CNKSR1: variants seen among roughly 807,000 people sequenced by gnomAD.
CNKSR1 encodes CNK homolog protein 1.
CNKSR1 carries 88 observed loss-of-function variants against 95.6 expected under a neutral mutation model. The observed-to-expected ratio is 0.92, with a 90% CI of 0.78 to 1.10. The LOEUF (loss-of-function observed/expected upper bound fraction) is 1.10. Among genes scored for constraint, CNKSR1 ranks in the 50% least tolerant of loss-of-function variants. The probability of loss-of-function intolerance (pLI) is 0.00; values close to 1 mark genes in which losing one functional copy is unlikely to be tolerated. For synonymous variants in CNKSR1, 355 were observed against 369.7 expected, an observed-to-expected ratio of 0.96 and a Z score of 0.46; for missense variants, 836 against 912.0, an observed-to-expected ratio of 0.92 and a Z score of 1.07.
At position 26,182,355 on chromosome 1, in the gene CNKSR1, T is replaced by C; in HGVS notation, c.478-6T>C. The stretch of plus-strand genomic sequence containing the variant: ...GGAGGCCCCTGCTCTCTCATTCTAC[T>C]TCCAGGATGGTCCAGCGGCTGAGAA... On this transcript the variant is annotated splice_region_variant and splice_polypyrimidine_tract_variant and intron_variant, in intron 4 of 20. Coordinates refer to ENST00000361530, the MANE Select transcript of CNKSR1 (RefSeq NM_006314.3). 1 of 1,614,018 alleles carries C rather than the reference T, an allele frequency of 6.2e-7. No individual in the cohort carries two copies. Among genetic ancestry groups the C allele is most frequent in the East Asian group, 2.2e-5 (1 of 44,872 alleles).
intron 1 of CNKSR1, among the ~76,000 whole-genome samples, chr1:26,178,767 A>T (rs1200544950): frequency 6.6e-6 from 1 of 152,244 alleles, no homozygotes; most frequent in Non-Finnish European, 1.5e-5. Context: ...TGAGACAATC[A>T]TGACATAGTT....
At position 26,185,082 on chromosome 1, in the gene CNKSR1, T is replaced by C; in HGVS notation, c.1204T>C (p.Trp402Arg). The change falls in exon 14 of 21, where the codon TGG becomes CGG. Residue 402 changes from tryptophan (W) to arginine (R), a missense_variant. Trp to Arg is a moderately radical substitution (Grantham distance 101). Coordinates refer to ENST00000361530, the MANE Select transcript of CNKSR1 (RefSeq NM_006314.3). ...GCTGGGCCGGCCGGACTGTGACGGC[T>C]GGCTCCTGTTGCGAAAGGCACCGGG... ...RELGRPDCDG[W>R]LLLRKAPGGF... 6.2e-7 allele frequency: 1 copy of C among 1,605,878 alleles called. No individual in the cohort carries two copies. Among genetic ancestry groups the C allele is most frequent in the Non-Finnish European group, 8.5e-7 (1 of 1,178,188 alleles).
At chr1:26,183,166 C>T in intron 6 of CNKSR1, 31 bp from the exon 7 acceptor site, 1 of 1,611,204 alleles carries the variant, frequency 6.2e-7, no homozygotes, top group South Asian at 1.1e-5. Flanking sequence ...TGCCCCCCAG[C>T]CCCCGGTGAC....
At position 26,184,062 on chromosome 1, in the gene CNKSR1, G is replaced by C. The variant is rs2088697493; in HGVS notation, c.856-9G>C. ...TGTCTCCATTGCTTTGTTCCTGGTT[G>C]TTCCCCAGACGCCCCCTCAGGTCCT... On this transcript the variant is annotated splice_polypyrimidine_tract_variant and intron_variant, in intron 9 of 20. Coordinates refer to ENST00000361530, the MANE Select transcript of CNKSR1 (RefSeq NM_006314.3). 1 of 1,605,146 alleles carries C rather than the reference G, an allele frequency of 6.2e-7. No individual in the cohort carries two copies. Among genetic ancestry groups the C allele is most frequent in the South Asian group, 1.1e-5 (1 of 90,672 alleles).
rs1287384816 is a variant in CNKSR1 at position 26,181,655 on chromosome 1, C to T, written c.393-202C>T. 4 of 608,700 alleles carry T rather than the reference C, an allele frequency of 6.6e-6. No homozygotes were observed. The African/African-American group carries it at 7.3e-5, about 11-fold the overall frequency. 37.7% of individuals were successfully genotyped at this position (608,700 alleles called of 1,614,324 possible). On this transcript the variant is annotated intron_variant, in intron 3 of 20. Coordinates refer to ENST00000361530, the MANE Select transcript of CNKSR1 (RefSeq NM_006314.3). ...CTGTCTGTTTCCCCAGTGCCTAGAA[C>T]AGGGCTTGGCATGTGGTAGGCACAT...
rs565213274 is a variant in CNKSR1 at position 26,189,746 on chromosome 1, C to G, written c.*198C>G. On this transcript the variant is annotated 3_prime_UTR_variant, in exon 21 of 21. Coordinates refer to ENST00000361530, the MANE Select transcript of CNKSR1 (RefSeq NM_006314.3). ...CCTTGCCAAAGAAGAAACTCTCCCC[C>G]CAAATCCTCCAACCTCTGGGGCCAC... is the stretch of plus-strand genomic sequence containing the variant. The G allele has an allele frequency of 3.4e-5, 24 of 700,142 alleles. No homozygotes were observed. The highest frequency in any genetic ancestry group is 3.6e-4 in the Middle Eastern group (1 of 2,782). 43.4% of individuals were successfully genotyped at this position (700,142 alleles called of 1,614,324 possible). A position where few individuals can be genotyped will look rare whatever the true frequency, so the allele number is the denominator to read the frequency against.
chr1:26,183,634 G>T, intron 8 of CNKSR1, 95 bp from the exon 9 acceptor site: 1 of 1,085,440 alleles, frequency 9.2e-7, no homozygotes, highest in South Asian at 1.2e-5. Context: ...AGAAGTGGGA[G>T]GCTGAGAGAG....
intron 3 of CNKSR1, chr1:26,181,555 A>G (rs2088648249): frequency 5.8e-6 from 2 of 342,272 alleles, no homozygotes; most frequent in South Asian, 2.9e-5. Context: ...ATAACTTATT[A>G]TAAACTCATT....
rs1557619289 is a variant in CNKSR1 at position 26,180,535 on chromosome 1, C to T, written c.135C>T (p.Ser45=). The T allele has an allele frequency of 1.6e-5, 26 of 1,614,212 alleles. No individual in the cohort carries two copies. Among genetic ancestry groups the T allele is most frequent in the Non-Finnish European group, 2.1e-5 (25 of 1,180,040 alleles). The change falls in exon 2 of 21, where the codon AGC becomes AGT. Residue 45 remains serine (S), a synonymous_variant. Transcript: ENST00000361530. ...GKNLLQLCPQ[S]LEALAVRSLG... is the part of the protein sequence containing the mutation. Reference sequence around the variant, plus strand: ...ACCTGCTCCAGCTCTGCCCCCAAAGCCTCGAGGCTCTGGCTGTGCGGTCTC... The same window carrying T: ...ACCTGCTCCAGCTCTGCCCCCAAAGTCTCGAGGCTCTGGCTGTGCGGTCTC...
At chr1:26,178,177 A>G (rs2088592781) in intron 1 of CNKSR1, among the ~76,000 whole-genome samples, 1 of 152,190 alleles carries the variant, frequency 6.6e-6, no homozygotes, top group Non-Finnish European at 1.5e-5. Flanking sequence ...CGGTGTCATG[A>G]AAACAGGAGG....
At chr1:26,184,173 G>A in intron 10 of CNKSR1, 32 bp downstream of exon 10, 1 of 1,611,978 alleles carries the variant, frequency 6.2e-7, no homozygotes, top group Non-Finnish European at 8.5e-7. Flanking sequence ...TGTCTTGGTG[G>A]GGAGACCGTG....
chr1:26,188,195 G>GT, intron 16 of CNKSR1, 39 bp from the exon 17 acceptor site: 1 of 1,585,138 alleles, frequency 6.3e-7, no homozygotes, highest in East Asian at 2.2e-5. Flanking sequence ...GAGGGCCCCA[G>GT]TGGATGGAAA....
chr1:26,181,740 C>G, intron 3 of CNKSR1, 117 bp from the exon 4 acceptor site: 1 of 986,712 alleles, frequency 1.0e-6, no homozygotes. Context: ...TACTCTAAAC[C>G]AAAACCCATC....
At chr1:26,183,948 G>GC (rs1039925140) in intron 9 of CNKSR1, 118 bp downstream of exon 9, 1 of 532,220 alleles carries the variant, frequency 1.9e-6, no homozygotes, top group East Asian at 3.4e-5. Flanking sequence ...CCCCTGCTGC[G>GC]CCCCCCTAGC....
At chr1:26,188,022 AAG>A (rs2088786071) in intron 16 of CNKSR1, among the ~76,000 whole-genome samples, 1 of 151,914 alleles carries the variant, frequency 6.6e-6, no homozygotes, top group African/African-American at 2.4e-5. Context: ...CAGCTTCCCA[AAG>A]TGCTGGGGTG....
At chr1:26,189,204 G>A (rs1180319782) in intron 20 of CNKSR1, 75 bp from the exon 21 acceptor site, 17 of 1,569,922 alleles carry the variant, frequency 1.1e-5, no homozygotes, top group Admixed American at 8.3e-5. Flanking sequence ...CCGGACCTCC[G>A]GAGTGAAGTC....
intron 1 of CNKSR1, among the ~76,000 whole-genome samples, chr1:26,178,453 G>A (rs926356085): frequency 2.6e-5 from 4 of 152,136 alleles, no homozygotes; most frequent in Non-Finnish European, 5.9e-5. Flanking sequence ...CAGGCTCAGC[G>A]AGCCCACACA....
rs544437004 is a variant in CNKSR1 at position 26,189,767 on chromosome 1, G to T, written c.*219G>T. The T allele has an allele frequency of 8.7e-5, 61 of 698,298 alleles. No homozygotes were observed. In the African/African-American group the frequency reaches 9.8e-4, roughly 11 times the overall value. The allele number at this position is 698,298 out of a possible 1,614,324, so 43.3% of individuals were successfully genotyped here. A position where few individuals can be genotyped will look rare whatever the true frequency, so the allele number is the denominator to read the frequency against. On this transcript the variant is annotated 3_prime_UTR_variant, in exon 21 of 21. Transcript: ENST00000361530. ...CCCCCCAAATCCTCCAACCTCTGGG[G>T]CCACAGCCCTGCCCCTCCAGTTCCT... is the stretch of plus-strand genomic sequence containing the variant.
rs1229784035 is a variant in CNKSR1 at position 26,189,766 on chromosome 1, G to T, written c.*218G>T. The stretch of plus-strand genomic sequence containing the variant: ...TCCCCCCAAATCCTCCAACCTCTGG[G>T]GCCACAGCCCTGCCCCTCCAGTTCC... On this transcript the variant is annotated 3_prime_UTR_variant, in exon 21 of 21. Coordinates refer to ENST00000361530, the MANE Select transcript of CNKSR1 (RefSeq NM_006314.3). The T allele has an allele frequency of 1.0e-5, 7 of 697,716 alleles. No individual in the cohort carries two copies. The highest frequency in any genetic ancestry group is 1.8e-5 in the Non-Finnish European group (7 of 383,638). The allele number at this position is 697,716 out of a possible 1,614,324, so 43.2% of individuals were successfully genotyped here.
Sources: gnomAD v4.1 joint callset for allele counts (sites outside exome capture counted in the v4.1 genomes callset) on GRCh38, gnomAD v4.1.1 for gene constraint, MANE v1.5 for transcripts, NCBI Gene and HGNC (gene_info 2026-07-23, HGNC 2026-07-21) for gene names.